The following AZIN2 variants were observed in gnomAD, a reference collection of about 807,000 sequenced individuals.
AZIN2 encodes ODC antizyme inhibitor-2.
In AZIN2, 28 loss-of-function variants were observed where a neutral mutation model predicts 47.8. That is an observed-to-expected ratio of 0.59 (90% CI 0.43 to 0.80). The LOEUF (loss-of-function observed/expected upper bound fraction) is 0.80, where lower values mean the gene tolerates loss of function less well. Ranked by LOEUF, AZIN2 falls within the 30% of genes least tolerant of loss-of-function variation. The pLI, the probability that AZIN2 is intolerant of heterozygous loss-of-function variation, is 0.00. For synonymous variants in AZIN2, 221 were observed against 239.4 expected (o/e 0.92, Z 0.71); for missense variants, 535 against 582.5 (o/e 0.92, Z 0.84).
chr1:33,158,109 G>C, the AZIN2 span: 1 of 661,172 alleles, frequency 1.5e-6, no homozygotes, highest in South Asian at 1.8e-5. Flanking sequence ...CAGGTGCCCA[G>C]GACAGGTCCT....
At chr1:33,152,334 G>C in the AZIN2 span, among the ~76,000 whole-genome samples, 1 of 152,320 alleles carries the variant, frequency 6.6e-6, no homozygotes, top group Non-Finnish European at 1.5e-5. Context: ...GGGAGGCCGA[G>C]GCAGGCGGAT....
intron 5 of AZIN2, among the ~76,000 whole-genome samples, chr1:33,084,476 CATA>C (rs147519070): frequency 0.046 from 6,955 of 152,274 alleles, 341 homozygotes; most frequent in African/African-American, 0.12. Context: ...CTTTTATAAT[CATA>C]ATAATGTGTG....
the AZIN2 span, among the ~76,000 whole-genome samples, chr1:33,154,966 G>A: frequency 6.6e-6 from 1 of 150,528 alleles, no homozygotes; most frequent in Non-Finnish European, 1.5e-5. Flanking sequence ...CTTGGCAGGT[G>A]CCTGCAGTCC....
At chr1:33,126,962 T>C (rs941663193), downstream of AZIN2, among the ~76,000 whole-genome samples, 5 of 152,184 alleles carry the variant, frequency 3.3e-5, no homozygotes, top group African/African-American at 1.2e-4. Context: ...CTCTGGCAAG[T>C]CCCTGTACGC....
chr1:33,133,037 TC>T, the AZIN2 span, among the ~76,000 whole-genome samples: 1 of 152,210 alleles, frequency 6.6e-6, no homozygotes, highest in African/African-American at 2.4e-5. Context: ...GGCTTTGTGC[TC>T]CTTGGTAAGG....
the AZIN2 span, among the ~76,000 whole-genome samples, chr1:33,149,122 C>G: frequency 1.3e-5 from 2 of 152,188 alleles, no homozygotes; most frequent in Non-Finnish European, 2.9e-5. Context: ...TGTGCTCGTT[C>G]TGTCCTCTGA....
Position 33,082,346 on chromosome 1 carries a change from G to T in AZIN2, c.97G>T (p.Ala33Ser). The change falls in exon 4 of 12, where the codon GCC becomes TCC. Residue 33 changes from alanine (A) to serine (S), a missense_variant. Transcript: ENST00000294517. Reference protein sequence around the residue: ...LKELTLGASQATTDEVAAFFV... With the variant: ...LKELTLGASQSTTDEVAAFFV... ...GGAACTCACTCTGGGGGCCTCACAG[G>T]CCACCACGGTGAGGGGCTGGGAATG... 6.2e-7 allele frequency: 1 copy of T among 1,613,104 alleles called. No individual in the cohort carries two copies. The highest frequency in any genetic ancestry group is 8.5e-7 in the Non-Finnish European group (1 of 1,179,476).
the AZIN2 span, among the ~76,000 whole-genome samples, chr1:33,131,929 A>G: frequency 6.6e-6 from 1 of 152,184 alleles, no homozygotes; most frequent in African/African-American, 2.4e-5. Flanking sequence ...AATGAAAATT[A>G]AATGTTAGGG....
At chr1:33,108,429 G>A (rs1171357292) in intron 10 of AZIN2, among the ~76,000 whole-genome samples, 1 of 149,274 alleles carries the variant, frequency 6.7e-6, no homozygotes, top group Non-Finnish European at 1.5e-5. Context: ...TGCAGTCTCT[G>A]CCTCCTGGGT....
intron 7 of AZIN2, 100 bp from the exon 8 acceptor site, chr1:33,094,446 GCA>G: frequency 8.0e-7 from 1 of 1,249,690 alleles, no homozygotes. Flanking sequence ...TGTAAAATGG[GCA>G]CAGTGTCTCA....
At chr1:33,090,670 G>A (rs1255029758) in intron 5 of AZIN2, among the ~76,000 whole-genome samples, 2 of 152,182 alleles carry the variant, frequency 1.3e-5, no homozygotes, top group African/African-American at 2.4e-5. Context: ...AAGCTAATTA[G>A]GCATTAACTC....
the AZIN2 span, chr1:33,166,226 A>G: frequency 6.6e-6 from 1 of 152,308 alleles, no homozygotes; most frequent in Non-Finnish European, 1.5e-5. Context: ...ATCCTACATC[A>G]TGTTGAGTTG....
intron 5 of AZIN2, 53 bp from the exon 6 acceptor site, chr1:33,091,997 C>G: frequency 1.3e-6 from 2 of 1,582,714 alleles, no homozygotes; most frequent in East Asian, 2.2e-5. Flanking sequence ...CCTTGGGCTC[C>G]GTGGGCTAGC....
At chr1:33,110,090 G>C (rs1406980372) in intron 10 of AZIN2, among the ~76,000 whole-genome samples, 1 of 152,100 alleles carries the variant, frequency 6.6e-6, no homozygotes, top group Non-Finnish European at 1.5e-5. Flanking sequence ...AGAGAAAAAA[G>C]CCCATTCTAC....
At position 33,121,562 on chromosome 1, in the gene AZIN2, A is replaced by G. The variant is rs377684814; in HGVS notation, c.*1380A>G. Among the ~76,000 whole-genome samples, 5 of 152,346 alleles carry G rather than the reference A, an allele frequency of 3.3e-5. No individual in the cohort carries two copies. The East Asian group carries it at 7.7e-4, about 24-fold the overall frequency. On this transcript the variant is annotated 3_prime_UTR_variant, in exon 12 of 12. Transcript: ENST00000294517. ...CACTGCACTCCAGCCTGGGCGACTG[A>G]GCGAGACCCTGCCTCAAATAAAGAA...
intron 7 of AZIN2, among the ~76,000 whole-genome samples, chr1:33,093,857 C>T (rs781099445): frequency 1.3e-5 from 2 of 151,770 alleles, no homozygotes; most frequent in Non-Finnish European, 2.9e-5. Flanking sequence ...GCCTCAGCCT[C>T]CCAAGTAGCT....
rs886601991 is a variant in AZIN2, at chr1:33,085,394, A to C, written c.279+1267A>C. The stretch of plus-strand genomic sequence containing the variant: ...TTCACTGAGATTTGAATACAGACCC[A>C]AAAGAGCCAAGGGATCAAGCCAGGT... On this transcript the variant is annotated intron_variant, in intron 5 of 11. Transcript: ENST00000294517. Among the ~76,000 whole-genome samples the C allele has an allele frequency of 3.3e-5, 5 of 152,210 alleles. 1 individual carries two copies. The highest frequency in any genetic ancestry group is 3.3e-4 in the Admixed American group (5 of 15,276).
intron 10 of AZIN2, among the ~76,000 whole-genome samples, chr1:33,109,795 CT>C (rs1291403899): frequency 5.3e-5 from 8 of 152,046 alleles, no homozygotes; most frequent in East Asian, 1.9e-4. Flanking sequence ...TGCCTCCCCC[CT>C]GCTAAACTGT....
the AZIN2 span, among the ~76,000 whole-genome samples, chr1:33,149,848 G>A: frequency 2.0e-5 from 3 of 152,176 alleles, no homozygotes; most frequent in South Asian, 2.1e-4. Flanking sequence ...TGCACCAAGA[G>A]GGCAAGGACC....
Sources: gnomAD v4.1 joint callset for allele counts (sites outside exome capture counted in the v4.1 genomes callset) on GRCh38, gnomAD v4.1.1 for gene constraint, MANE v1.5 for transcripts, NCBI Gene and HGNC (gene_info 2026-07-23, HGNC 2026-07-21) for gene names.